The following ANKRD17 variants were observed in gnomAD, a reference collection of about 807,000 sequenced individuals.
ANKRD17 encodes ankyrin repeat domain-containing protein 17.
A neutral mutation model predicts 229.7 loss-of-function variants in ANKRD17; 19 were observed. The observed-to-expected ratio is 0.08, with a 90% CI of 0.06 to 0.12. The LOEUF (loss-of-function observed/expected upper bound fraction) is 0.12, where lower values mean the gene tolerates loss of function less well. Among genes scored for constraint, ANKRD17 ranks in the 10% least tolerant of loss-of-function variants. ANKRD17 has a pLI of 1.00. For missense variants in ANKRD17, 2,176 were observed against 3,176.8 expected, an observed-to-expected ratio of 0.68 and a Z score of 7.57; for synonymous variants, 1,112 against 1,146.1, an observed-to-expected ratio of 0.97 and a Z score of 0.60.
intron 1 of ANKRD17, among the ~76,000 whole-genome samples, chr4:73,200,415 AG>A (rs1738501739): frequency 6.6e-6 from 1 of 152,152 alleles, no homozygotes; most frequent in Admixed American, 6.5e-5. Context: ...TGAGTAACAT[AG>A]TAAGATCCTG....
intron 13 of ANKRD17, 84 bp from the exon 14 acceptor site, chr4:73,141,927 T>C (rs1248138285): frequency 1.3e-5 from 14 of 1,070,214 alleles, no homozygotes; most frequent in East Asian, 2.9e-5. Context: ...AAATTAGAGA[T>C]TTTTTGACAA....
rs867105006 is a variant in ANKRD17, at chr4:73,151,619, C to T, written c.1235-95G>A. 34 of 933,046 alleles carry T rather than the reference C, an allele frequency of 3.6e-5. No homozygotes were observed. In the Middle Eastern group the frequency reaches 1.7e-3, roughly 47 times the overall value. The allele number at this position is 933,046 out of a possible 1,614,324, so 57.8% of individuals were successfully genotyped here. On this transcript the variant is annotated intron_variant, in intron 6 of 33. Transcript: ENST00000358602. ...ATTTTGAAAAGTTATATTTAACTTA[C>T]AGCATTAAATTTATAAGCATAATAA...
At chr4:73,219,346 C>T (rs1327386731) in intron 1 of ANKRD17, among the ~76,000 whole-genome samples, 1 of 144,272 alleles carries the variant, frequency 6.9e-6, no homozygotes, top group Non-Finnish European at 1.6e-5. Context: ...AAATATAACA[C>T]GTATCTGTCA....
At chr4:73,125,154 A>T (rs1389496928) in intron 17 of ANKRD17, 47 bp downstream of exon 17, 1 of 1,591,146 alleles carries the variant, frequency 6.3e-7, no homozygotes, top group Non-Finnish European at 8.5e-7. Context: ...TTCCTAAATA[A>T]ATTTTTTGAC....
intron 29 of ANKRD17, among the ~76,000 whole-genome samples, chr4:73,088,044 T>C (rs1297521316): frequency 6.6e-6 from 1 of 152,012 alleles, no homozygotes; most frequent in Non-Finnish European, 1.5e-5. Context: ...AAGCAGAGAA[T>C]ATATTAATAA....
chr4:73,251,397 A>T (rs1428142035), intron 1 of ANKRD17, among the ~76,000 whole-genome samples: 2 of 152,204 alleles, frequency 1.3e-5, no homozygotes, highest in Non-Finnish European at 2.9e-5. Flanking sequence ...AGCACTGTTA[A>T]GTCAGAAAGG....
intron 29 of ANKRD17, among the ~76,000 whole-genome samples, chr4:73,086,067 T>C (rs142481409): frequency 6.6e-6 from 1 of 152,308 alleles, no homozygotes; most frequent in African/African-American, 2.4e-5. Flanking sequence ...ATTCAAATTA[T>C]AATTTACTGG....
intron 3 of ANKRD17, among the ~76,000 whole-genome samples, chr4:73,156,779 A>T (rs1472592957): frequency 6.6e-6 from 1 of 152,116 alleles, no homozygotes; most frequent in Non-Finnish European, 1.5e-5. Flanking sequence ...CTTCCTGTAC[A>T]GCCTGTGGAA....
intron 6 of ANKRD17, among the ~76,000 whole-genome samples, chr4:73,153,495 T>G (rs1423148627): frequency 6.6e-6 from 1 of 152,178 alleles, no homozygotes; most frequent in East Asian, 1.9e-4. Context: ...TAGGCAATTG[T>G]CCGGTCTGCC....
At chr4:73,131,311 A>C (rs1728173503) in intron 16 of ANKRD17, among the ~76,000 whole-genome samples, 1 of 152,240 alleles carries the variant, frequency 6.6e-6, no homozygotes, top group South Asian at 2.1e-4. Flanking sequence ...TCAGAAATAA[A>C]ACATATGATT....
intron 1 of ANKRD17, among the ~76,000 whole-genome samples, chr4:73,181,693 T>C (rs1390895413): frequency 6.6e-6 from 1 of 152,116 alleles, no homozygotes; most frequent in East Asian, 1.9e-4. Flanking sequence ...AAAATCATTT[T>C]GAATCACAAC....
intron 1 of ANKRD17, among the ~76,000 whole-genome samples, chr4:73,179,497 TATATATATATATATATA>T (rs1735206381): frequency 2.7e-5 from 2 of 73,760 alleles, no homozygotes; most frequent in Non-Finnish European, 5.7e-5. Flanking sequence ...TGTATATATA[TATATATATATATATATA>T]TATATTTTTT....
chr4:73,147,336 T>C lies in ANKRD17; in HGVS notation c.1664A>G (p.Lys555Arg). ...GFLEVADFLI[K>R]AGADIELGCS... ...CCCTAGTTCTATATCGGCTCCTGCC[T>C]TAATTAGAAAGTCTGCCACTTCCAG... The change falls in exon 9 of 34, where the codon AAG becomes AGG. Residue 555 changes from lysine (K) to arginine (R), a missense_variant. Transcript: ENST00000358602. 1 of 1,610,490 alleles carries C rather than the reference T, an allele frequency of 6.2e-7. No individual in the cohort carries two copies. The highest frequency in any genetic ancestry group is 1.1e-5 in the South Asian group (1 of 90,598).
At position 73,090,852 on chromosome 4, in the gene ANKRD17, TCAAACAATGTGCTAAAGGGCC is replaced by T; in HGVS notation, c.6755_6775del (p.Gly2252_Phe2258del). On this transcript the variant is annotated inframe_deletion, in exon 29 of 34. Coordinates refer to ENST00000358602, the MANE Select transcript of ANKRD17 (RefSeq NM_032217.5). ...GGCATGAGCAGAAGTAGGGCTGTTT[TCAAACAATGTGCTAAAGGGCC>T]CAAATGGTAAGGGGGCACTGAAATT... 1 of 1,614,218 alleles carries T rather than the reference TCAAACAATGTGCTAAAGGGCC, an allele frequency of 6.2e-7. No individual in the cohort carries two copies. Among genetic ancestry groups the T allele is most frequent in the Non-Finnish European group, 8.5e-7 (1 of 1,180,032 alleles).
intron 16 of ANKRD17, among the ~76,000 whole-genome samples, chr4:73,126,729 T>C (rs2148730118): frequency 6.6e-6 from 1 of 152,192 alleles, no homozygotes; most frequent in African/African-American, 2.4e-5. Context: ...ATACTTTTAT[T>C]ATTTATTTTA....
At chr4:73,195,048 C>T (rs1453547304) in intron 1 of ANKRD17, among the ~76,000 whole-genome samples, 1 of 152,018 alleles carries the variant, frequency 6.6e-6, no homozygotes, top group Admixed American at 6.6e-5. Context: ...CTCTTATATT[C>T]CTAGTTTGCT....
intron 1 of ANKRD17, among the ~76,000 whole-genome samples, chr4:73,220,608 T>C (rs1249829986): frequency 1.3e-5 from 2 of 152,130 alleles, no homozygotes; most frequent in Admixed American, 1.3e-4. Context: ...TGTGTTATGT[T>C]CACTAATGAT....
intron 16 of ANKRD17, among the ~76,000 whole-genome samples, chr4:73,131,596 C>T (rs892513949): frequency 1.3e-5 from 2 of 152,208 alleles, no homozygotes; most frequent in South Asian, 2.1e-4. Context: ...GGTTAACACA[C>T]TTAAGTTAAA....
Position 73,100,989 on chromosome 4 carries a change from C to T in ANKRD17, c.4573+1387G>A, listed in dbSNP as rs192221181. 34 of 981,936 alleles carry T rather than the reference C, an allele frequency of 3.5e-5. 1 individual carries two copies. The African/African-American group carries it at 3.5e-4, about 10-fold the overall frequency. The allele number at this position is 981,936 out of a possible 1,614,324, so 60.8% of individuals were successfully genotyped here. A position where few individuals can be genotyped will look rare whatever the true frequency, so the allele number is the denominator to read the frequency against. ...CAAAAAACAAAACAAAAAACAAATACGAATTTAAAAAATACAGTATAACAA... is the reference window on the plus strand; with the variant it reads ...CAAAAAACAAAACAAAAAACAAATATGAATTTAAAAAATACAGTATAACAA... On this transcript the variant is annotated intron_variant, in intron 25 of 33. Coordinates refer to ENST00000358602, the MANE Select transcript of ANKRD17 (RefSeq NM_032217.5).
Sources: allele counts gnomAD v4.1 joint callset (sites outside exome capture counted in the v4.1 genomes callset), GRCh38; gene constraint gnomAD v4.1.1; transcripts MANE v1.5; gene names NCBI Gene and HGNC (gene_info 2026-07-23, HGNC 2026-07-21).